Variants in SPG7 observed in about 807,000 individuals in gnomAD.
SPG7 encodes the protein mitochondrial inner membrane m-AAA protease component paraplegin.
A neutral mutation model predicts 81.9 loss-of-function variants in SPG7; 103 were observed. That is an observed-to-expected ratio of 1.26 (90% CI 1.07 to 1.48). SPG7 has a LOEUF of 1.48. SPG7 is among the 40% of genes most tolerant of loss of function. The pLI, the probability that SPG7 is intolerant of heterozygous loss-of-function variation, is 0.00. For synonymous variants in SPG7, 534 were observed against 444.2 expected, an observed-to-expected ratio of 1.20 and a Z score of -2.54; for missense variants, 1,241 against 1,087.3, an observed-to-expected ratio of 1.14 and a Z score of -1.99.
At chr16:89,537,539 T>C in intron 9 of SPG7, 1 of 988,002 alleles carries the variant, frequency 1.0e-6, no homozygotes, top group Non-Finnish European at 1.2e-6. Flanking sequence ...CTTCGACTTT[T>C]TTTTTCTTCA....
chr16:89,540,037 T>C (rs2058475279), intron 9 of SPG7: 1 of 152,560 alleles, frequency 6.6e-6, no homozygotes, highest in Non-Finnish European at 1.5e-5. Flanking sequence ...AAGTTGTGCT[T>C]GCACCTTTGC....
In SPG7 at chr16:89,544,631, C is replaced by T; in HGVS notation, c.1325-17C>T. The T allele has an allele frequency of 6.2e-6, 10 of 1,613,814 alleles. No individual in the cohort carries two copies. Among genetic ancestry groups the T allele is most frequent in the Non-Finnish European group, 8.5e-6 (10 of 1,179,798 alleles). ...GGACCCCTACCCTCAGAGCCACTGT[C>T]TGCTCTGTCCCCTCAGGAATGGGTA... On this transcript the variant is annotated splice_polypyrimidine_tract_variant and intron_variant, in intron 9 of 16. Transcript: ENST00000645818.
intron 9 of SPG7, among the ~76,000 whole-genome samples, chr16:89,535,801 T>C: frequency 6.6e-6 from 1 of 152,274 alleles, no homozygotes; most frequent in African/African-American, 2.4e-5. Context: ...ACTGCTTCTC[T>C]GCAGAGCATC....
chr16:89,515,097 C>T (rs570547692), intron 3 of SPG7, among the ~76,000 whole-genome samples: 47 of 151,588 alleles, frequency 3.1e-4, no homozygotes, highest in South Asian at 1.3e-3. Flanking sequence ...CCACCATACC[C>T]GGCTCATTTT....
Position 89,531,977 on chromosome 16 carries a change from G to C in SPG7, c.1061G>C (p.Gly354Ala), listed in dbSNP as rs2152403446. The C allele has an allele frequency of 6.2e-7, 1 of 1,613,950 alleles. No individual in the cohort carries two copies. Among genetic ancestry groups the C allele is most frequent in the South Asian group, 1.1e-5 (1 of 91,082 alleles). Residue 354 changes from glycine (G) to alanine (A), a missense_variant, in exon 8 of 17, where the codon GGG becomes GCG. Transcript: ENST00000645818. Reference sequence around the variant, plus strand: ...CTGCTGCTCGGCCCCCCCGGCTGTGGGAAGACGCTGCTGGCCAAGGCGGTG... The same window carrying C: ...CTGCTGCTCGGCCCCCCCGGCTGTGCGAAGACGCTGCTGGCCAAGGCGGTG... ...GALLLGPPGC[G>A]KTLLAKAVAT... is the part of the protein sequence containing the mutation.
intron 6 of SPG7, 130 bp downstream of exon 6, chr16:89,529,709 C>G: frequency 1.4e-6 from 1 of 734,712 alleles, no homozygotes. Context: ...CACAATTAGA[C>G]AGCAGCTCAC....
intron 9 of SPG7, chr16:89,539,937 A>C (rs1323719907): frequency 6.6e-6 from 1 of 152,212 alleles, no homozygotes; most frequent in African/African-American, 2.4e-5. Context: ...GTTAACGTCT[A>C]CATGAAGTGG....
chr16:89,538,682 C>A (rs1218772056), intron 9 of SPG7: 2 of 152,514 alleles, frequency 1.3e-5, no homozygotes, highest in Non-Finnish European at 2.9e-5. Flanking sequence ...GGGGTCAGGT[C>A]TAGCTTCTGT....
chr16:89,533,202 C>G (rs1357047019), intron 9 of SPG7: 2 of 159,670 alleles, frequency 1.3e-5, no homozygotes, highest in South Asian at 1.6e-4. Context: ...TAGTCTTGCT[C>G]TCTCTCCCAG....
chr16:89,523,891 T>C, intron 3 of SPG7, 115 bp from the exon 4 acceptor site: 7 of 1,303,692 alleles, frequency 5.4e-6, no homozygotes, highest in Non-Finnish European at 7.5e-6. Flanking sequence ...CAGGATCTTC[T>C]GTGCAGGACG....
Position 89,531,960 on chromosome 16 carries a change from CGGCCCCCCCGGCTGTGGGAAGACGCTGCT to C in SPG7, c.1049_1077del (p.Pro350GlnfsTer36), listed in dbSNP as rs775364547. 77 of 1,613,946 alleles carry C rather than the reference CGGCCCCCCCGGCTGTGGGAAGACGCTGCT, an allele frequency of 4.8e-5. No homozygotes were observed. Among genetic ancestry groups the C allele is most frequent in the Non-Finnish European group, 5.8e-5 (68 of 1,179,968 alleles). ...AGGTCCCAAAGGGCGCACTGCTGCT[CGGCCCCCCCGGCTGTGGGAAGACGCTGCT>C]GGCCAAGGCGGTGGCCACGGAGGCT... is the stretch of plus-strand genomic sequence containing the variant. On this transcript the variant is annotated frameshift_variant, in exon 8 of 17. Coordinates refer to ENST00000645818, the MANE Select transcript of SPG7 (RefSeq NM_003119.4). LOFTEE classifies it high-confidence loss of function.
chr16:89,543,988 T>A (rs769138973), intron 9 of SPG7: 1 of 159,966 alleles, frequency 6.3e-6, no homozygotes, highest in East Asian at 1.8e-4. Context: ...TTGAATCTTA[T>A]ATGCTCTGAG....
At chr16:89,549,332 C>T (rs1323707232) in intron 12 of SPG7, 1 of 425,774 alleles carries the variant, frequency 2.3e-6, no homozygotes, top group Non-Finnish European at 4.8e-6. Context: ...AATGAAGCCT[C>T]ACCAGTAAGC....
chr16:89,532,540 A>T lies in SPG7; in HGVS notation c.1228A>T (p.Ile410Phe). The change falls in exon 9 of 17, where the codon ATC becomes TTC. Residue 410 changes from isoleucine (I) to phenylalanine (F), a missense_variant. Ile to Phe is a conservative substitution (Grantham distance 21). Coordinates refer to ENST00000645818, the MANE Select transcript of SPG7 (RefSeq NM_003119.4). ...CCCCTGCATCGTCTACATCGATGAG[A>T]TCGACGCGGTGGGCAAGAAGCGCTC... ...RAPCIVYIDE[I>F]DAVGKKRSTT... 6.2e-7 allele frequency: 1 copy of T among 1,613,746 alleles called. No homozygotes were observed. Among genetic ancestry groups the T allele is most frequent in the Non-Finnish European group, 8.5e-7 (1 of 1,180,028 alleles).
At chr16:89,552,853 G>A in intron 13 of SPG7, 126 bp from the exon 14 acceptor site, 1 of 856,280 alleles carries the variant, frequency 1.2e-6, no homozygotes, top group Non-Finnish European at 1.9e-6. Flanking sequence ...TTGTTGTAGA[G>A]GATGCTGCAC....
intron 7 of SPG7, chr16:89,531,452 C>G (rs948960569): frequency 3.8e-5 from 8 of 208,580 alleles, no homozygotes; most frequent in Non-Finnish European, 5.0e-5. Context: ...CGGCTCACTA[C>G]AACCTCCACC....
chr16:89,553,907 A>G lies in SPG7; in HGVS notation c.2050A>G (p.Met684Val), dbSNP rs373577226. The change falls in exon 15 of 17, where the codon ATG (methionine) becomes GTG (valine). Residue 684 changes from methionine to valine, a missense_variant. Coordinates refer to ENST00000645818, the MANE Select transcript of SPG7 (RefSeq NM_003119.4). ...CTTCCCTGAGGCGCAGGAGGGCCTCATGGGCATCGGGCGGCGCCCCTTCAG... is the reference window on the plus strand; with the variant it reads ...CTTCCCTGAGGCGCAGGAGGGCCTCGTGGGCATCGGGCGGCGCCCCTTCAG... ...ISFPEAQEGL[M>V]GIGRRPFSQG... 34 of 1,612,920 alleles carry G rather than the reference A, an allele frequency of 2.1e-5. No homozygotes were observed. Among genetic ancestry groups the G allele is most frequent in the African/African-American group, 5.3e-5 (4 of 74,956 alleles).
intron 9 of SPG7, chr16:89,533,596 G>A (rs1369501508): frequency 1.3e-5 from 2 of 152,176 alleles, no homozygotes; most frequent in Non-Finnish European, 1.5e-5. Flanking sequence ...GTGCTGCCAC[G>A]TCTCTCCCTG....
chr16:89,544,026 C>T, intron 9 of SPG7: 1 of 165,720 alleles, frequency 6.0e-6, no homozygotes, highest in East Asian at 1.7e-4. Context: ...AGAGAAACAC[C>T]ACAGCATCAT....
Sources: allele counts gnomAD v4.1 joint callset (sites outside exome capture counted in the v4.1 genomes callset), GRCh38; gene constraint gnomAD v4.1.1; transcripts MANE v1.5; gene names NCBI Gene and HGNC (gene_info 2026-07-23, HGNC 2026-07-21).